The following PDE4B variants were observed in gnomAD, a reference collection of about 807,000 sequenced individuals.
PDE4B encodes the protein phosphodiesterase 4B.
Under a neutral mutation model 82.2 loss-of-function variants are expected in PDE4B, and 20 were observed. The ratio of observed to expected loss-of-function variants is 0.24; its 90% CI spans 0.17 to 0.35. The LOEUF (loss-of-function observed/expected upper bound fraction) is 0.35, where lower values mean the gene tolerates loss of function less well. Among genes scored for constraint, PDE4B ranks in the 10% least tolerant of loss-of-function variants. PDE4B has a pLI of 1.00. For synonymous variants in PDE4B, 320 were observed against 318.9 expected (o/e 1.00, Z -0.04); for missense variants, 655 against 907.2 (o/e 0.72, Z 3.57).
At chr1:65,940,117 G>A (rs147882577) in intron 3 of PDE4B, among the ~76,000 whole-genome samples, 11 of 152,196 alleles carry the variant, frequency 7.2e-5, no homozygotes, top group East Asian at 5.8e-4. Flanking sequence ...AGTTTGCTAC[G>A]GAAGTCCTCC....
At chr1:66,337,252 G>C (rs559423659) in intron 8 of PDE4B, among the ~76,000 whole-genome samples, 1 of 152,304 alleles carries the variant, frequency 6.6e-6, no homozygotes, top group African/African-American at 2.4e-5. Context: ...GAGGGCCTTA[G>C]CCTGGCCTTC....
rs563180675 is a variant in PDE4B at position 66,373,001 on chromosome 1, C to T, written c.*323C>T. 15 of 249,180 alleles carry T rather than the reference C, an allele frequency of 6.0e-5. No homozygotes were observed. In the East Asian group the frequency reaches 9.4e-4, roughly 16 times the overall value. 15.4% of individuals were successfully genotyped at this position (249,180 alleles called of 1,614,324 possible). ...GCACTAAGTTTCGGGAACTTATCCC[C>T]GACAGTGACTGAACTCACTGACTAA... On this transcript the variant is annotated 3_prime_UTR_variant, in exon 17 of 17. Coordinates refer to ENST00000341517, the MANE Select transcript of PDE4B (RefSeq NM_002600.4).
At chr1:66,157,339 A>G (rs1459217778) in intron 3 of PDE4B, among the ~76,000 whole-genome samples, 1 of 152,128 alleles carries the variant, frequency 6.6e-6, no homozygotes, top group Admixed American at 6.6e-5. Flanking sequence ...TTGGTTCTTC[A>G]CTTCCTTTCT....
intron 3 of PDE4B, among the ~76,000 whole-genome samples, chr1:66,010,511 T>C (rs893925001): frequency 5.3e-5 from 8 of 151,746 alleles, no homozygotes; most frequent in African/African-American, 1.9e-4. Context: ...TAATTTATTT[T>C]ATAGTTGTGA....
chr1:66,374,084 T>A lies in PDE4B; in HGVS notation c.*1406T>A, dbSNP rs1478410914. ...GTTGGGTTATAACTGGATCCTACTA[T>A]CATTGTGGCTTTGGTTCAAAAGGAA... On this transcript the variant is annotated 3_prime_UTR_variant, in exon 17 of 17. Transcript: ENST00000341517. 6.6e-6 allele frequency: 1 copy of A among 152,656 alleles called. No individual in the cohort carries two copies. Among genetic ancestry groups the A allele is most frequent in the Non-Finnish European group, 1.5e-5 (1 of 68,046 alleles). 9.5% of individuals were successfully genotyped at this position (152,656 alleles called of 1,614,324 possible). A position where few individuals can be genotyped will look rare whatever the true frequency, so the allele number is the denominator to read the frequency against.
intron 3 of PDE4B, among the ~76,000 whole-genome samples, chr1:66,181,515 C>T (rs761308813): frequency 3.3e-5 from 5 of 152,122 alleles, no homozygotes; most frequent in Non-Finnish European, 7.4e-5. Context: ...GCTGATGATA[C>T]TGTTTCTTGG....
chr1:65,851,074 T>A (rs1395225173), intron 1 of PDE4B, among the ~76,000 whole-genome samples: 7 of 152,160 alleles, frequency 4.6e-5, no homozygotes, highest in African/African-American at 1.7e-4. Context: ...AGCTAAAAAG[T>A]CTTTCTATTT....
rs531284366 is a variant in PDE4B at position 66,355,673 on chromosome 1, A to G, written c.841+53A>G. 22 of 1,055,170 alleles carry G rather than the reference A, an allele frequency of 2.1e-5. No homozygotes were observed. In the African/African-American group the frequency reaches 2.2e-4, roughly 11 times the overall value. The allele number at this position is 1,055,170 out of a possible 1,614,324, so 65.4% of individuals were successfully genotyped here. Reference sequence around the variant, plus strand: ...TTTATAACTGGGGTTTTCAGAATTAATTTCTACAACCTATCAAGGACATCC... The same window carrying G: ...TTTATAACTGGGGTTTTCAGAATTAGTTTCTACAACCTATCAAGGACATCC... On this transcript the variant is annotated intron_variant, in intron 9 of 16. Coordinates refer to ENST00000341517, the MANE Select transcript of PDE4B (RefSeq NM_002600.4).
At chr1:66,186,247 A>G (rs1231890981) in intron 3 of PDE4B, among the ~76,000 whole-genome samples, 3 of 152,146 alleles carry the variant, frequency 2.0e-5, no homozygotes, top group African/African-American at 7.2e-5. Context: ...GCCTCATTGT[A>G]TAATTTGAAG....
chr1:66,323,897 A>G (rs1232777271), intron 7 of PDE4B, among the ~76,000 whole-genome samples: 1 of 152,206 alleles, frequency 6.6e-6, no homozygotes, highest in Non-Finnish European at 1.5e-5. Context: ...TAGAAAAATA[A>G]TTGGACAGCA....
chr1:65,977,834 G>C (rs2100643930), intron 3 of PDE4B, among the ~76,000 whole-genome samples: 1 of 152,144 alleles, frequency 6.6e-6, no homozygotes, highest in East Asian at 1.9e-4. Flanking sequence ...TAATCCAGCA[G>C]GTAACTGTGT....
At chr1:66,285,728 C>T (rs1443201816) in intron 7 of PDE4B, among the ~76,000 whole-genome samples, 2 of 151,782 alleles carry the variant, frequency 1.3e-5, no homozygotes, top group African/African-American at 4.8e-5. Flanking sequence ...TTAGCTGATC[C>T]TGACTCAAGC....
chr1:66,296,732 A>T (rs1446384795), intron 7 of PDE4B, among the ~76,000 whole-genome samples: 1 of 152,166 alleles, frequency 6.6e-6, no homozygotes, highest in Non-Finnish European at 1.5e-5. Flanking sequence ...TATTTGTTGA[A>T]TCAATGAATA....
chr1:66,355,804 GA>G (rs1212527212), intron 9 of PDE4B, among the ~76,000 whole-genome samples, 184 bp downstream of exon 9: 1 of 151,702 alleles, frequency 6.6e-6, no homozygotes, highest in Non-Finnish European at 1.5e-5. Context: ...TCATGTTTTT[GA>G]AAAAAAAGAA....
intron 7 of PDE4B, among the ~76,000 whole-genome samples, chr1:66,320,384 GT>G (rs1394675841): frequency 1.3e-5 from 2 of 152,092 alleles, no homozygotes; most frequent in Non-Finnish European, 2.9e-5. Context: ...GAGGCAAAAT[GT>G]TTCCCATATA....
intron 3 of PDE4B, among the ~76,000 whole-genome samples, chr1:66,024,844 A>T (rs1653347113): frequency 1.3e-5 from 2 of 152,012 alleles, no homozygotes; most frequent in African/African-American, 4.8e-5. Flanking sequence ...TAGAATGGTG[A>T]TGTATTTTAT....
chr1:65,821,568 T>C (rs1474440746), intron 1 of PDE4B, among the ~76,000 whole-genome samples: 2 of 152,204 alleles, frequency 1.3e-5, no homozygotes, highest in Non-Finnish European at 2.9e-5. Flanking sequence ...CTTTATCCAG[T>C]TACTTGTGTC....
chr1:66,317,206 T>C (rs966418496), intron 7 of PDE4B, among the ~76,000 whole-genome samples: 1 of 152,222 alleles, frequency 6.6e-6, no homozygotes, highest in Non-Finnish European at 1.5e-5. Flanking sequence ...AAGAGTTGCT[T>C]GGCTTTCTTT....
intron 3 of PDE4B, among the ~76,000 whole-genome samples, chr1:66,226,415 A>G (rs1457158179): frequency 6.6e-6 from 1 of 152,258 alleles, no homozygotes; most frequent in Admixed American, 6.5e-5. Context: ...CAATTAAGTT[A>G]ATAGAATAAG....
Sources: gnomAD v4.1 joint callset for allele counts (sites outside exome capture counted in the v4.1 genomes callset) on GRCh38, gnomAD v4.1.1 for gene constraint, MANE v1.5 for transcripts, NCBI Gene and HGNC (gene_info 2026-07-23, HGNC 2026-07-21) for gene names.